Variants in B9D1 observed in about 807,000 individuals in gnomAD.
B9D1 encodes the protein B9 domain containing 1.
A neutral mutation model predicts 26.1 loss-of-function variants in B9D1; 20 were observed. That is an observed-to-expected ratio of 0.77 (90% CI 0.54 to 1.12). The LOEUF (loss-of-function observed/expected upper bound fraction) is 1.12. Ranked by LOEUF, B9D1 falls within the 50% of genes most tolerant of loss-of-function variation. The pLI is 0.00. For synonymous variants in B9D1, 105 were observed against 103.1 expected (o/e 1.02, Z -0.11); for missense variants, 260 against 273.7 (o/e 0.95, Z 0.35).
upstream of B9D1, chr17:19,364,643 AGCCGATCTGCACCAGT>A (rs1911482024): frequency 4.6e-5 from 7 of 152,380 alleles, no homozygotes; most frequent in South Asian, 1.4e-3. The surrounding 1 kb of genome is among the most constrained non-coding windows in gnomAD (Gnocchi z 4.3). Context: ...GCTGACATCC[AGCCGATCTGCACCAGT>A]CCAGCCATGC....
At chr17:19,349,307 A>C (rs1909281786) in intron 3 of B9D1, among the ~76,000 whole-genome samples, 1 of 151,792 alleles carries the variant, frequency 6.6e-6, no homozygotes, top group Non-Finnish European at 1.5e-5. Flanking sequence ...GGTCACCTGG[A>C]TGTCCTCTTT....
rs778260923 is a variant in B9D1, at chr17:19,347,784, C to T, written c.341G>A (p.Arg114Gln). The T allele has an allele frequency of 5.6e-5, 91 of 1,613,302 alleles. No individual in the cohort carries two copies. Among genetic ancestry groups the T allele is most frequent in the Non-Finnish European group, 7.5e-5 (89 of 1,179,690 alleles). Residue 114 changes from arginine (R) to glutamine (Q), a missense_variant and splice_region_variant, in exon 4 of 7, where the codon CGG (arginine) becomes CAG (glutamine). Arg to Gln is a conservative substitution (Grantham distance 43). Transcript: ENST00000261499. The surrounding 1 kb of genome is among the most constrained non-coding windows in gnomAD (Gnocchi z 4.3). ...GGCCCAGGTCAGAATGAGGACCTAC[C>T]GGCCAGGTGAGAAGGGCACGTGCAC... ...GAVHVPFSPG[R>Q]HKRTIPMFVP...
At chr17:19,349,985 G>A (rs534085138) in intron 3 of B9D1, among the ~76,000 whole-genome samples, 150 of 152,280 alleles carry the variant, frequency 9.9e-4, no homozygotes, top group African/African-American at 3.3e-3. Flanking sequence ...GCTGGCGGGC[G>A]CCTGTAGTCC....
At chr17:19,340,424 C>T (rs903386457), downstream of B9D1, among the ~76,000 whole-genome samples, 5 of 136,398 alleles carry the variant, frequency 3.7e-5, no homozygotes, top group Non-Finnish European at 7.9e-5. Context: ...CCGCCTGCAT[C>T]AGCCTCCCAA....
At chr17:19,358,788 C>T (rs547778500) in intron 2 of B9D1, among the ~76,000 whole-genome samples, 4 of 152,234 alleles carry the variant, frequency 2.6e-5, no homozygotes, top group African/African-American at 4.8e-5. Context: ...CTCTAGATGT[C>T]GATGATTCCC....
chr17:19,367,607 C>T (rs917202555), upstream of B9D1, among the ~76,000 whole-genome samples: 15 of 152,304 alleles, frequency 9.8e-5, no homozygotes, highest in African/African-American at 3.1e-4. Flanking sequence ...CCACTGCACC[C>T]GGCCAATCAG....
downstream of B9D1, among the ~76,000 whole-genome samples, chr17:19,340,690 G>A (rs917825892): frequency 6.6e-5 from 10 of 150,966 alleles, no homozygotes; most frequent in African/African-American, 2.4e-4. Context: ...TCGGGAGGCT[G>A]AGGCAGGAGA....
chr17:19,374,903 T>A (rs1235625421), intron 1 of B9D1, among the ~76,000 whole-genome samples: 2 of 152,204 alleles, frequency 1.3e-5, no homozygotes, highest in African/African-American at 4.8e-5. Context: ...TAAGGTAATA[T>A]CTGTATCTGT....
Position 19,360,371 on chromosome 17 carries a change from GTCA to G in B9D1, c.78_80del (p.Asp27del), listed in dbSNP as rs1391636047. ...ACACAAAGCAGTACTTGCAGTAGAGGTCATCATACTCTGGAAACTGAAAAAAGC... is the reference window on the plus strand; with the variant it reads ...ACACAAAGCAGTACTTGCAGTAGAGGTCATACTCTGGAAACTGAAAAAAGC... On this transcript the variant is annotated inframe_deletion, in exon 2 of 7. Coordinates refer to ENST00000261499, the MANE Select transcript of B9D1 (RefSeq NM_015681.6). 6.2e-7 allele frequency: 1 copy of G among 1,613,880 alleles called. No individual in the cohort carries two copies. The highest frequency in any genetic ancestry group is 1.1e-5 in the South Asian group (1 of 91,082).
downstream of B9D1, among the ~76,000 whole-genome samples, chr17:19,342,760 CAG>C (rs1429193584): frequency 6.6e-6 from 1 of 152,022 alleles, no homozygotes; most frequent in Non-Finnish European, 1.5e-5. Flanking sequence ...GGTAGGGGGG[CAG>C]AGAGGGGAGT....
chr17:19,367,571 C>T (rs747113879), upstream of B9D1, among the ~76,000 whole-genome samples: 1 of 152,158 alleles, frequency 6.6e-6, no homozygotes, highest in African/African-American at 2.4e-5. Context: ...CTTGGCCTCC[C>T]GAAGTGCTGG....
chr17:19,368,658 T>G (rs1811740871), intron 1 of B9D1, among the ~76,000 whole-genome samples: 1 of 152,126 alleles, frequency 6.6e-6, no homozygotes, highest in African/African-American at 2.4e-5. Flanking sequence ...AATCATTCAT[T>G]TGGGGGCGGG....
intron 1 of B9D1, among the ~76,000 whole-genome samples, chr17:19,361,511 G>A (rs991125798): frequency 4.6e-5 from 7 of 151,982 alleles, no homozygotes; most frequent in African/African-American, 1.7e-4. Flanking sequence ...CGGGGGGGTC[G>A]CTGATGCTGA....
intron 3 of B9D1, among the ~76,000 whole-genome samples, chr17:19,351,284 G>A (rs1276947264): frequency 6.6e-6 from 1 of 152,128 alleles, no homozygotes; most frequent in Non-Finnish European, 1.5e-5. Context: ...GCCAACTATA[G>A]ATGTCATAAA....
At chr17:19,377,759 C>G in intron 1 of B9D1, 1 of 899,386 alleles carries the variant, frequency 1.1e-6, no homozygotes, top group Non-Finnish European at 1.3e-6. Flanking sequence ...CACCCGCGGG[C>G]TCCGCAGAGG....
intron 1 of B9D1, among the ~76,000 whole-genome samples, chr17:19,360,763 C>T (rs1225251733): frequency 6.6e-6 from 1 of 152,190 alleles, no homozygotes; most frequent in East Asian, 1.9e-4. Flanking sequence ...CAATGATTGC[C>T]TGTGTCTAAG....
chr17:19,344,368 T>C, intron 5 of B9D1: 1 of 227,428 alleles, frequency 4.4e-6, no homozygotes, highest in Admixed American at 5.4e-5. Context: ...GTCCAGGACA[T>C]GTCACTTCCC....
Position 19,357,942 on chromosome 17 carries a change from C to T in B9D1, c.142G>A (p.Glu48Lys). Residue 48 changes from glutamate to lysine, a missense_variant, in exon 3 of 7, where the codon GAG becomes AAG. Transcript: ENST00000261499. Reference sequence around the variant, plus strand: ...TTGGATGTGATCTGTGAGATCCCCTCCTCCAGACCCTGTGAGGACAGTGAC... The same window carrying T: ...TTGGATGTGATCTGTGAGATCCCCTTCTCCAGACCCTGTGAGGACAGTGAC... ...QDWAPTAGLE[E>K]GISQITSKSQ... 1 of 1,613,752 alleles carries T rather than the reference C, an allele frequency of 6.2e-7. No homozygotes were observed. The highest frequency in any genetic ancestry group is 8.5e-7 in the Non-Finnish European group (1 of 1,179,654).
chr17:19,345,193 C>T lies in B9D1; in HGVS notation c.405-1336G>A, dbSNP rs375785383. Among the ~76,000 whole-genome samples the T allele has an allele frequency of 4.6e-5, 7 of 152,146 alleles. No individual in the cohort carries two copies. The East Asian group carries it at 5.8e-4, about 13-fold the overall frequency. On this transcript the variant is annotated intron_variant, in intron 5 of 6. Coordinates refer to ENST00000261499, the MANE Select transcript of B9D1 (RefSeq NM_015681.6). ...CTGAGGCAAGGAAGGACCCCTCAGACTGCAGGAACTGAGGTAGATGGGAAG... is the reference window on the plus strand; with the variant it reads ...CTGAGGCAAGGAAGGACCCCTCAGATTGCAGGAACTGAGGTAGATGGGAAG...
Sources: gnomAD v4.1 joint callset for allele counts (sites outside exome capture counted in the v4.1 genomes callset) on GRCh38, gnomAD v4.1.1 for gene constraint, Gnocchi (gnomAD v3.1) non-coding constraint, MANE v1.5 for transcripts, NCBI Gene and HGNC (gene_info 2026-07-23, HGNC 2026-07-21) for gene names.